CASD1: variants seen among roughly 807,000 people sequenced by gnomAD.
The protein encoded by CASD1 is N-acetylneuraminate (7)9-O-acetyltransferase.
In CASD1, 41 loss-of-function variants were observed where a neutral mutation model predicts 100.0. The observed-to-expected ratio is 0.41, with a 90% confidence interval of 0.32 to 0.53. The LOEUF (loss-of-function observed/expected upper bound fraction) is 0.53, where lower values mean the gene tolerates loss of function less well. Ranked by LOEUF, CASD1 falls within the 20% of genes least tolerant of loss-of-function variation. CASD1 has a pLI of 0.25. For synonymous variants in CASD1, 321 were observed against 315.6 expected, an observed-to-expected ratio of 1.02 and a Z score of -0.18; for missense variants, 774 against 948.7, an observed-to-expected ratio of 0.82 and a Z score of 2.42.
the CASD1 span, among the ~76,000 whole-genome samples, chr7:94,611,764 T>C: frequency 6.6e-6 from 1 of 152,212 alleles, no homozygotes; most frequent in African/African-American, 2.4e-5. Context: ...AAGCCAGAGA[T>C]GACAACTGTG....
chr7:94,532,921 CGT>C (rs1794921522), intron 5 of CASD1, among the ~76,000 whole-genome samples: 1 of 152,008 alleles, frequency 6.6e-6, no homozygotes, highest in Admixed American at 6.6e-5. Context: ...AATATTAGGT[CGT>C]GTTAGATTTC....
intron 3 of CASD1, among the ~76,000 whole-genome samples, chr7:94,522,453 A>T (rs1217913598): frequency 2.6e-5 from 4 of 152,210 alleles, no homozygotes; most frequent in Non-Finnish European, 5.9e-5. Context: ...AACTACAAGG[A>T]GAAATTGGCA....
chr7:94,629,522 T>G, the CASD1 span: 1 of 533,854 alleles, frequency 1.9e-6, no homozygotes, highest in South Asian at 2.1e-5. Flanking sequence ...ATGCTTTCCT[T>G]AACATTCAAA....
At chr7:94,577,301 C>A in the CASD1 span, among the ~76,000 whole-genome samples, 1 of 152,174 alleles carries the variant, frequency 6.6e-6, no homozygotes, top group Non-Finnish European at 1.5e-5. Context: ...CCCACTTCTG[C>A]TCCCCAAAGC....
At chr7:94,623,518 T>C in the CASD1 span, 2 of 692,844 alleles carry the variant, frequency 2.9e-6, no homozygotes, top group Non-Finnish European at 5.1e-6. Flanking sequence ...TTGATATACT[T>C]ACAAAATATT....
chr7:94,533,808 G>T lies in CASD1; in HGVS notation c.628+6G>T. Reference sequence around the variant, plus strand: ...TGTTTATTGGGTCTTACAAGGTAAGGAATGAGTAATGAAAAAATGTCACTT... The same window carrying T: ...TGTTTATTGGGTCTTACAAGGTAAGTAATGAGTAATGAAAAAATGTCACTT... On this transcript the variant is annotated splice_donor_region_variant and intron_variant, in intron 7 of 17. Coordinates refer to ENST00000297273, the MANE Select transcript of CASD1 (RefSeq NM_022900.5). 1 of 1,542,762 alleles carries T rather than the reference G, an allele frequency of 6.5e-7. No homozygotes were observed. Among genetic ancestry groups the T allele is most frequent in the Non-Finnish European group, 8.7e-7 (1 of 1,147,508 alleles).
At chr7:94,555,314 T>C (rs1433187514) in intron 17 of CASD1, among the ~76,000 whole-genome samples, 178 bp from the exon 18 acceptor site, 3 of 152,062 alleles carry the variant, frequency 2.0e-5, no homozygotes, top group African/African-American at 7.2e-5. Context: ...GTATTAGCAG[T>C]TGGAGTTCTA....
chr7:94,615,233 C>T, the CASD1 span, among the ~76,000 whole-genome samples: 1 of 152,062 alleles, frequency 6.6e-6, no homozygotes, highest in Admixed American at 6.5e-5. Context: ...GTGGCAGGTG[C>T]CTGTAATCTC....
the CASD1 span, among the ~76,000 whole-genome samples, chr7:94,566,083 T>C: frequency 6.6e-6 from 1 of 152,164 alleles, no homozygotes; most frequent in Non-Finnish European, 1.5e-5. Context: ...GAGCCAGGAC[T>C]TCCTCACAAT....
At chr7:94,527,043 G>A (rs1330561965) in intron 3 of CASD1, 119 bp from the exon 4 acceptor site, 1 of 722,026 alleles carries the variant, frequency 1.4e-6, no homozygotes, top group East Asian at 2.8e-5. Flanking sequence ...ATTGAGATTT[G>A]GTGCATAAAA....
chr7:94,622,488 G>T, the CASD1 span: 1 of 152,142 alleles, frequency 6.6e-6, no homozygotes, highest in Non-Finnish European at 1.5e-5. Flanking sequence ...AATTAGCCGG[G>T]TGTGGTGGCA....
rs760333031 is a variant in CASD1 at position 94,538,950 on chromosome 7, T to G, written c.1267-17T>G. 7.4e-7 allele frequency: 1 copy of G among 1,350,864 alleles called. No homozygotes were observed. Among genetic ancestry groups the G allele is most frequent in the South Asian group, 1.3e-5 (1 of 77,582 alleles). 83.7% of individuals were successfully genotyped at this position (1,350,864 alleles called of 1,614,324 possible). On this transcript the variant is annotated splice_polypyrimidine_tract_variant and intron_variant, in intron 9 of 17. Transcript: ENST00000297273. ...TTCATGATAAATTTTAAAACAGATT[T>G]TGGTTCCTTTACACAGACTAAAGTA...
At chr7:94,631,550 C>T in the CASD1 span, among the ~76,000 whole-genome samples, 3 of 151,846 alleles carry the variant, frequency 2.0e-5, no homozygotes, top group African/African-American at 7.2e-5. Context: ...CAATATGGCT[C>T]TTAAAATACT....
chr7:94,534,070 A>G (rs576265124), intron 7 of CASD1, among the ~76,000 whole-genome samples: 1 of 152,028 alleles, frequency 6.6e-6, no homozygotes, highest in Non-Finnish European at 1.5e-5. Context: ...CTAAACGCAA[A>G]TGACATGTGG....
At chr7:94,552,740 C>A (rs1385783888) in intron 16 of CASD1, among the ~76,000 whole-genome samples, 1 of 152,140 alleles carries the variant, frequency 6.6e-6, no homozygotes, top group Non-Finnish European at 1.5e-5. Flanking sequence ...AGTTTGAGAC[C>A]AGCCTGGACA....
chr7:94,629,875 G>C, the CASD1 span: 1 of 1,607,740 alleles, frequency 6.2e-7, no homozygotes, highest in African/African-American at 1.3e-5. Flanking sequence ...GTGACAGAAA[G>C]ACAAATAATG....
At chr7:94,533,448 A>G (rs116773749) in intron 6 of CASD1, among the ~76,000 whole-genome samples, 199 bp downstream of exon 6, 152 of 152,234 alleles carry the variant, frequency 1.0e-3, no homozygotes, top group African/African-American at 3.5e-3. Flanking sequence ...AGTGTTTTTT[A>G]TATCTAAAAT....
chr7:94,549,876 T>C (rs907499585), intron 14 of CASD1, among the ~76,000 whole-genome samples: 1 of 152,066 alleles, frequency 6.6e-6, no homozygotes, highest in Non-Finnish European at 1.5e-5. Context: ...AACATGGCCT[T>C]TGTCTGACTT....
rs143015025 is a variant in CASD1 at position 94,542,370 on chromosome 7, C to T, written c.1357-2041C>T. Among the ~76,000 whole-genome samples the T allele has an allele frequency of 3.1e-3, 471 of 152,136 alleles. 2 individuals are homozygous for T. Among genetic ancestry groups the T allele is most frequent in the Admixed American group, 6.4e-3 (98 of 15,268 alleles). ...ATGTGCTGTAAGTGTGAAATGTATA[C>T]CACATTAAATATGATTAATTATGAT... On this transcript the variant is annotated intron_variant, in intron 10 of 17. Transcript: ENST00000297273.
Sources: gnomAD v4.1 joint callset for allele counts (sites outside exome capture counted in the v4.1 genomes callset) on GRCh38, gnomAD v4.1.1 for gene constraint, MANE v1.5 for transcripts, NCBI Gene and HGNC (gene_info 2026-07-23, HGNC 2026-07-21) for gene names.